PAPPA2: variants seen among roughly 807,000 people sequenced by gnomAD.
PAPPA2 encodes pappalysin 2, also known as pappalysin-2.
Under a neutral mutation model 176.4 loss-of-function variants are expected in PAPPA2, and 86 were observed. That is an observed-to-expected ratio of 0.49 (90% CI 0.41 to 0.58). PAPPA2 has a LOEUF of 0.58. Ranked by LOEUF, PAPPA2 falls within the 20% of genes least tolerant of loss-of-function variation. The pLI is 0.00. For missense variants in PAPPA2, 2,073 were observed against 2,256.9 expected (o/e 0.92, Z 1.65); for synonymous variants, 809 against 852.2 (o/e 0.95, Z 0.88).
At chr1:176,649,984 T>A (rs1457448684) in intron 3 of PAPPA2, among the ~76,000 whole-genome samples, 1 of 151,630 alleles carries the variant, frequency 6.6e-6, no homozygotes, top group Non-Finnish European at 1.5e-5. Context: ...TGTCCATTAC[T>A]CAGAATGGGC....
chr1:176,625,446 G>A (rs973878459), intron 3 of PAPPA2, among the ~76,000 whole-genome samples: 4 of 152,132 alleles, frequency 2.6e-5, no homozygotes, highest in Non-Finnish European at 4.4e-5. Flanking sequence ...CATGTAACAG[G>A]CTTTCAATAA....
At chr1:176,565,515 C>T (rs1483563773) in intron 2 of PAPPA2, among the ~76,000 whole-genome samples, 5 of 152,072 alleles carry the variant, frequency 3.3e-5, no homozygotes, top group South Asian at 2.1e-4. Flanking sequence ...GGAAATATGA[C>T]GAAACCCCAT....
chr1:176,677,497 T>G (rs1300520322), intron 4 of PAPPA2, among the ~76,000 whole-genome samples: 1 of 152,192 alleles, frequency 6.6e-6, no homozygotes, highest in Non-Finnish European at 1.5e-5. Flanking sequence ...TTTTTACAGG[T>G]GGATCAATGA....
At chr1:176,829,584 T>C (rs1029175842) in intron 21 of PAPPA2, among the ~76,000 whole-genome samples, 1 of 152,126 alleles carries the variant, frequency 6.6e-6, no homozygotes, top group African/African-American at 2.4e-5. Flanking sequence ...CGAAGGGAAG[T>C]TAAGGATCAA....
intron 17 of PAPPA2, among the ~76,000 whole-genome samples, chr1:176,782,222 C>G (rs1185851961): frequency 6.6e-6 from 1 of 152,158 alleles, no homozygotes; most frequent in Non-Finnish European, 1.5e-5. Context: ...AATCTTACCT[C>G]ATCTATAAAA....
intron 1 of PAPPA2, among the ~76,000 whole-genome samples, chr1:176,509,688 G>A (rs72715187): frequency 0.078 from 11,907 of 151,880 alleles, 592 homozygotes; most frequent in Middle Eastern, 0.18. Flanking sequence ...AAGAATGGAG[G>A]GGGACAGAAA....
intron 2 of PAPPA2, among the ~76,000 whole-genome samples, chr1:176,561,560 G>A (rs1651674210): frequency 1.3e-5 from 2 of 152,192 alleles, no homozygotes; most frequent in Admixed American, 1.3e-4. Flanking sequence ...TGTTGTAAAT[G>A]CAGTAGAATC....
intron 8 of PAPPA2, 49 bp from the exon 9 acceptor site, chr1:176,702,558 A>G (rs369684138): frequency 1.9e-6 from 3 of 1,605,578 alleles, no homozygotes; most frequent in South Asian, 1.1e-5. Flanking sequence ...GACCCAGGGC[A>G]TGCCTCACTT....
intron 1 of PAPPA2, among the ~76,000 whole-genome samples, chr1:176,525,827 T>G (rs925412584): frequency 2.0e-5 from 3 of 152,220 alleles, no homozygotes; most frequent in African/African-American, 7.2e-5. Flanking sequence ...GTTCTTCCAC[T>G]AACAGTGTAT....
chr1:176,648,271 TTA>T (rs1267291893), intron 3 of PAPPA2, among the ~76,000 whole-genome samples: 1 of 151,620 alleles, frequency 6.6e-6, no homozygotes. Context: ...CTACTAACTT[TTA>T]TATGTGGATT....
At chr1:176,792,812 T>C (rs566411073) in intron 19 of PAPPA2, among the ~76,000 whole-genome samples, 1 of 152,206 alleles carries the variant, frequency 6.6e-6, no homozygotes, top group East Asian at 1.9e-4. Context: ...ATCAAATCTA[T>C]AGATGAGGAA....
Position 176,776,057 on chromosome 1 carries a change from A to G in PAPPA2, c.4715+4877A>G, listed in dbSNP as rs1267393867. 5.3e-5 allele frequency among the ~76,000 whole-genome samples: 8 copies of G among 152,060 alleles called. No homozygotes were observed. The East Asian group carries it at 1.5e-3, about 29-fold the overall frequency. The stretch of plus-strand genomic sequence containing the variant: ...TTAAGACCCTTTCTTTTTTCCTCCC[A>G]TGCAATTTACTTCCACATACACATC... On this transcript the variant is annotated intron_variant, in intron 17 of 22. Coordinates refer to ENST00000367662, the MANE Select transcript of PAPPA2 (RefSeq NM_020318.3).
chr1:176,593,209 A>G (rs917038723), intron 2 of PAPPA2, among the ~76,000 whole-genome samples: 2 of 152,230 alleles, frequency 1.3e-5, no homozygotes, highest in African/African-American at 4.8e-5. Flanking sequence ...AAATATAGCC[A>G]CTTGTAAAGC....
intron 11 of PAPPA2, among the ~76,000 whole-genome samples, chr1:176,710,404 A>C (rs1263820454): frequency 6.6e-6 from 1 of 152,214 alleles, no homozygotes; most frequent in Non-Finnish European, 1.5e-5. Context: ...AAATGGGTAT[A>C]GTAACACCAT....
chr1:176,548,998 C>T (rs796419465), intron 1 of PAPPA2, among the ~76,000 whole-genome samples: 1 of 152,126 alleles, frequency 6.6e-6, no homozygotes, highest in African/African-American at 2.4e-5. Context: ...GTGGCCAGAA[C>T]AGTGTGTAAG....
At chr1:176,498,612 T>C (rs2102504578) in intron 1 of PAPPA2, among the ~76,000 whole-genome samples, 1 of 151,900 alleles carries the variant, frequency 6.6e-6, no homozygotes. Context: ...TAGCCAGGTG[T>C]GGTGGCGGGC....
intron 12 of PAPPA2, among the ~76,000 whole-genome samples, chr1:176,720,993 G>T (rs1347877705): frequency 6.6e-6 from 1 of 152,158 alleles, no homozygotes; most frequent in Non-Finnish European, 1.5e-5. Context: ...TTCCATCTGG[G>T]CTCCCAGCTG....
chr1:176,533,826 G>T (rs1304416377), intron 1 of PAPPA2, among the ~76,000 whole-genome samples: 1 of 152,200 alleles, frequency 6.6e-6, no homozygotes. Flanking sequence ...TGAACAGAAA[G>T]GGTGTAGGCC....
At chr1:176,518,211 C>G (rs1490067175) in intron 1 of PAPPA2, among the ~76,000 whole-genome samples, 1 of 152,156 alleles carries the variant, frequency 6.6e-6, no homozygotes, top group East Asian at 1.9e-4. Flanking sequence ...GACTCACAAT[C>G]TGGAGAACTT....
Sources: allele counts gnomAD v4.1 joint callset (sites outside exome capture counted in the v4.1 genomes callset), GRCh38; gene constraint gnomAD v4.1.1; transcripts MANE v1.5; gene names NCBI Gene and HGNC (gene_info 2026-07-23, HGNC 2026-07-21).